Variants in TXNRD3 observed in about 807,000 individuals in gnomAD.
TXNRD3 encodes TXNRD3 neighbor gene protein.
TXNRD3 carries 68 observed loss-of-function variants against 78.2 expected under a neutral mutation model. That is an observed-to-expected ratio of 0.87 (90% CI 0.72 to 1.06). The LOEUF is 1.06. Ranked by LOEUF, TXNRD3 falls within the 50% of genes least tolerant of loss-of-function variation. The pLI is 0.00. For synonymous variants in TXNRD3, 296 were observed against 300.1 expected (o/e 0.99, Z 0.14); for missense variants, 751 against 809.5 (o/e 0.93, Z 0.88).
intron 7 of TXNRD3, among the ~76,000 whole-genome samples, chr3:126,632,960 T>C (rs961424927): frequency 1.3e-5 from 2 of 152,170 alleles, no homozygotes; most frequent in Non-Finnish European, 2.9e-5. Flanking sequence ...TATTCAACCA[T>C]GTGTGCCAGG....
Position 126,629,108 on chromosome 3 carries a change from ATATC to A in TXNRD3, c.1290+267_1290+270del, listed in dbSNP as rs138362119. 3.1e-3 allele frequency among the ~76,000 whole-genome samples: 475 copies of A among 152,252 alleles called. 4 individuals are homozygous for A. Among genetic ancestry groups the A allele is most frequent in the African/African-American group, 0.011 (449 of 41,578 alleles). On this transcript the variant is annotated intron_variant, in intron 10 of 15. Transcript: ENST00000524230. ...ATATTCAAATTAAGAAATGTATAAAATATCTAATTTTCCAAAAGTAAGCACACAT... is the reference window on the plus strand; with the variant it reads ...ATATTCAAATTAAGAAATGTATAAAATAATTTTCCAAAAGTAAGCACACAT...
chr3:126,649,892 G>A (rs569237923), intron 1 of TXNRD3, among the ~76,000 whole-genome samples: 1 of 152,166 alleles, frequency 6.6e-6, no homozygotes, highest in Non-Finnish European at 1.5e-5. Context: ...TTCAGTTTGG[G>A]AAGATGAAAA....
intron 6 of TXNRD3, among the ~76,000 whole-genome samples, chr3:126,638,811 A>G (rs939949099): frequency 1.3e-5 from 2 of 152,210 alleles, no homozygotes; most frequent in African/African-American, 4.8e-5. Flanking sequence ...TTACCCATTC[A>G]AGGAAATTAG....
At chr3:126,644,549 T>C in intron 3 of TXNRD3, 148 bp from the exon 4 acceptor site, 1 of 628,788 alleles carries the variant, frequency 1.6e-6, no homozygotes, top group Admixed American at 3.0e-5. Context: ...TGTAAATTTA[T>C]CTGGATGCTA....
chr3:126,645,696 G>T (rs1009366646), intron 3 of TXNRD3, among the ~76,000 whole-genome samples: 1 of 151,908 alleles, frequency 6.6e-6, no homozygotes, highest in African/African-American at 2.4e-5. Flanking sequence ...CTCATTTTTA[G>T]CACTCTAGGA....
chr3:126,630,561 G>C, intron 9 of TXNRD3, 151 bp downstream of exon 9: 2 of 788,000 alleles, frequency 2.5e-6, no homozygotes, highest in Non-Finnish European at 4.0e-6. Flanking sequence ...GAGGGGACGA[G>C]GGGGAAAATG....
At chr3:126,608,944 A>G (rs952481662) in intron 14 of TXNRD3, among the ~76,000 whole-genome samples, 2 of 152,214 alleles carry the variant, frequency 1.3e-5, no homozygotes, top group African/African-American at 2.4e-5. Flanking sequence ...CAACAACAAC[A>G]TAACAAATCT....
chr3:126,643,889 C>G, intron 5 of TXNRD3, 92 bp downstream of exon 5: 1 of 1,237,910 alleles, frequency 8.1e-7, no homozygotes, highest in Non-Finnish European at 1.1e-6. Flanking sequence ...CGAGTTATAC[C>G]TCTTGAGATT....
chr3:126,609,062 C>T (rs1938129596), intron 14 of TXNRD3: 10 of 309,606 alleles, frequency 3.2e-5, no homozygotes, highest in South Asian at 2.8e-4. Flanking sequence ...CAAGTGGAGA[C>T]AAAGGAGAGG....
chr3:126,633,636 T>G (rs920441016), intron 7 of TXNRD3, among the ~76,000 whole-genome samples: 1 of 152,224 alleles, frequency 6.6e-6, no homozygotes, highest in Non-Finnish European at 1.5e-5. Flanking sequence ...TTGAACTACT[T>G]AGTTTAAACA....
At chr3:126,610,586 A>G (rs1435975662) in intron 14 of TXNRD3, among the ~76,000 whole-genome samples, 1 of 152,218 alleles carries the variant, frequency 6.6e-6, no homozygotes, top group Non-Finnish European at 1.5e-5. Flanking sequence ...ACACACATTC[A>G]GTCTGTTTAT....
intron 11 of TXNRD3, among the ~76,000 whole-genome samples, chr3:126,622,256 C>T (rs1461490855): frequency 6.6e-6 from 1 of 152,182 alleles, no homozygotes; most frequent in Non-Finnish European, 1.5e-5. Context: ...TTCTTAAAGT[C>T]ATTGTTTAAT....
chr3:126,647,727 C>T (rs891490258), intron 1 of TXNRD3, among the ~76,000 whole-genome samples: 1 of 152,070 alleles, frequency 6.6e-6, no homozygotes, highest in East Asian at 1.9e-4. Context: ...CCCAGGTACT[C>T]AGGAGGCTGA....
chr3:126,654,950 G>C lies in TXNRD3; in HGVS notation c.41C>G (p.Ala14Gly). 7.7e-7 allele frequency: 1 copy of C among 1,295,856 alleles called. No individual in the cohort carries two copies. Among genetic ancestry groups the C allele is most frequent in the Non-Finnish European group, 9.7e-7 (1 of 1,027,376 alleles). The allele number at this position is 1,295,856 out of a possible 1,614,324, so 80.3% of individuals were successfully genotyped here. A position where few individuals can be genotyped will look rare whatever the true frequency, so the allele number is the denominator to read the frequency against. The change falls in exon 1 of 16, where the codon GCG becomes GGG. Residue 14 changes from alanine to glycine, a missense_variant. Physicochemically the swap from Ala to Gly is moderately conservative, Grantham distance 60. Coordinates refer to ENST00000524230, the MANE Select transcript of TXNRD3 (RefSeq NM_052883.3). ...CGAGCGGCGGTTGGGGGCATCGCCC[G>C]CCTTTCCCGGCCCGGGCGACTGCGG...
intron 1 of TXNRD3, among the ~76,000 whole-genome samples, chr3:126,648,734 C>CA (rs1252399435): frequency 1.3e-5 from 2 of 152,166 alleles, no homozygotes; most frequent in African/African-American, 4.8e-5. Context: ...GCTAAAACTA[C>CA]AAAACTCTTA....
intron 15 of TXNRD3, 65 bp from the exon 16 acceptor site, chr3:126,608,038 T>C: frequency 1.7e-6 from 2 of 1,199,976 alleles, no homozygotes; most frequent in Non-Finnish European, 2.3e-6. Flanking sequence ...AAACACATTC[T>C]GAATATTATA....
chr3:126,621,942 T>C, intron 11 of TXNRD3, 44 bp from the exon 12 acceptor site: 1 of 1,419,068 alleles, frequency 7.0e-7, no homozygotes, highest in Non-Finnish European at 9.2e-7. Context: ...TACAACTCAC[T>C]CTACACTGCT....
At chr3:126,611,957 T>C (rs1328243643) in intron 13 of TXNRD3, among the ~76,000 whole-genome samples, 1 of 152,212 alleles carries the variant, frequency 6.6e-6, no homozygotes, top group Non-Finnish European at 1.5e-5. Flanking sequence ...AATATACAGT[T>C]ACTTGTAGCC....
In TXNRD3 at chr3:126,613,503, T is replaced by C. The variant is rs533573568; in HGVS notation, c.1632+1852A>G. On this transcript the variant is annotated intron_variant, in intron 13 of 15. Transcript: ENST00000524230. The stretch of plus-strand genomic sequence containing the variant: ...CTTAGCTCACAACATTGACAAACAT[T>C]AACTCAAAATGGATCACAGATCTAA... Among the ~76,000 whole-genome samples, 4 of 152,304 alleles carry C rather than the reference T, an allele frequency of 2.6e-5. No individual in the cohort carries two copies. The South Asian group carries it at 8.3e-4, about 32-fold the overall frequency.
Sources: allele counts gnomAD v4.1 joint callset (sites outside exome capture counted in the v4.1 genomes callset), GRCh38; gene constraint gnomAD v4.1.1; transcripts MANE v1.5; gene names NCBI Gene and HGNC (gene_info 2026-07-23, HGNC 2026-07-21).